SRGAP3: variants seen among roughly 807,000 people sequenced by gnomAD.
SRGAP3 encodes the protein SLIT-ROBO Rho GTPase activating protein 3.
Under a neutral mutation model 121.1 loss-of-function variants are expected in SRGAP3, and 39 were observed. The ratio of observed to expected loss-of-function variants is 0.32; its 90% CI spans 0.25 to 0.42. SRGAP3 has a LOEUF of 0.42. Ranked by LOEUF, SRGAP3 falls within the 10% of genes least tolerant of loss-of-function variation. The pLI is 1.00. For synonymous variants in SRGAP3, 601 were observed against 570.0 expected, an observed-to-expected ratio of 1.05 and a Z score of -0.77; for missense variants, 1,213 against 1,470.6, an observed-to-expected ratio of 0.82 and a Z score of 2.86.
At chr3:9,195,200 T>G (rs1323913475) in intron 1 of SRGAP3, among the ~76,000 whole-genome samples, 2 of 152,254 alleles carry the variant, frequency 1.3e-5, no homozygotes, top group East Asian at 3.8e-4. Flanking sequence ...AGTGCACAGA[T>G]TTTTAAAACT....
intron 2 of SRGAP3, among the ~76,000 whole-genome samples, chr3:9,107,324 G>A (rs1948453241): frequency 6.6e-6 from 1 of 152,220 alleles, no homozygotes; most frequent in Non-Finnish European, 1.5e-5. Flanking sequence ...AAAAGAATTA[G>A]AGAGGAAGGT....
chr3:9,253,521 GA>G (rs1449815399), upstream of SRGAP3, among the ~76,000 whole-genome samples: 10 of 152,154 alleles, frequency 6.6e-5, no homozygotes, highest in African/African-American at 2.4e-4. Context: ...AAAGTGGCCA[GA>G]ATAGTTTTTG....
At chr3:9,002,438 A>C (rs1942825596) in intron 18 of SRGAP3, among the ~76,000 whole-genome samples, 1 of 152,220 alleles carries the variant, frequency 6.6e-6, no homozygotes, top group Non-Finnish European at 1.5e-5. Flanking sequence ...CAGCTAAAGC[A>C]GTGCTTAGAA....
At chr3:9,113,241 G>A (rs560977319) in intron 2 of SRGAP3, among the ~76,000 whole-genome samples, 190 of 152,312 alleles carry the variant, frequency 1.2e-3, no homozygotes, top group African/African-American at 4.0e-3. Context: ...CTGGAAGTCC[G>A]AGATCAAGGT....
intron 21 of SRGAP3, among the ~76,000 whole-genome samples, chr3:8,988,489 T>G (rs1941854415): frequency 6.6e-6 from 1 of 152,164 alleles, no homozygotes; most frequent in Non-Finnish European, 1.5e-5. Context: ...GGGTCTTGGA[T>G]GGCAGCTGTC....
At chr3:9,051,251 T>A (rs147935706) in intron 9 of SRGAP3, among the ~76,000 whole-genome samples, 307 of 152,212 alleles carry the variant, frequency 2.0e-3, no homozygotes, top group African/African-American at 6.8e-3. Context: ...GCTAAAGGGA[T>A]CCTCCTACTC....
chr3:9,027,308 G>C (rs901523030), intron 12 of SRGAP3, among the ~76,000 whole-genome samples: 2 of 152,210 alleles, frequency 1.3e-5, no homozygotes, highest in African/African-American at 4.8e-5. Flanking sequence ...CCTCGGGGGG[G>C]TGCTGGAGTC....
chr3:9,079,387 C>G (rs577907415), intron 4 of SRGAP3, among the ~76,000 whole-genome samples: 1 of 152,166 alleles, frequency 6.6e-6, no homozygotes, highest in Non-Finnish European at 1.5e-5. Flanking sequence ...GCATCATCAC[C>G]TCATGTGTTT....
chr3:9,055,020 G>A (rs891555356), intron 8 of SRGAP3, among the ~76,000 whole-genome samples: 2 of 152,160 alleles, frequency 1.3e-5, no homozygotes, highest in Admixed American at 6.5e-5. Context: ...TTAACATTAT[G>A]ATCCACATAC....
At chr3:9,116,855 G>A (rs1948823349) in intron 2 of SRGAP3, among the ~76,000 whole-genome samples, 1 of 152,210 alleles carries the variant, frequency 6.6e-6, no homozygotes, top group Non-Finnish European at 1.5e-5. Context: ...CGAAAACTCA[G>A]TGTCTTCACC....
In SRGAP3 at chr3:9,249,319, A is replaced by G; in HGVS notation, c.-368T>C. 2.3e-6 allele frequency: 1 copy of G among 432,628 alleles called. No individual in the cohort carries two copies. The highest frequency in any genetic ancestry group is 3.7e-5 in the Admixed American group (1 of 27,130). The allele number at this position is 432,628 out of a possible 1,614,324, so 26.8% of individuals were successfully genotyped here. ...CACACGTACACACACTCACGCATGC[A>G]CAGGCACACTCACCGGGACACGCAC... On this transcript the variant is annotated 5_prime_UTR_variant, in exon 1 of 22. Transcript: ENST00000383836.
intron 3 of SRGAP3, among the ~76,000 whole-genome samples, chr3:9,322,618 G>A (rs371329035): frequency 6.6e-6 from 1 of 151,778 alleles, no homozygotes; most frequent in African/African-American, 2.4e-5. Flanking sequence ...ACATGCAAGG[G>A]ATGTAGGTTG....
chr3:9,290,776 C>A (rs1954856706), intron 3 of SRGAP3, among the ~76,000 whole-genome samples: 1 of 152,182 alleles, frequency 6.6e-6, no homozygotes, highest in South Asian at 2.1e-4. Flanking sequence ...GCACACTAAA[C>A]TCCCAGAGCC....
chr3:9,280,529 G>T (rs535690728), intron 3 of SRGAP3, among the ~76,000 whole-genome samples: 1 of 152,342 alleles, frequency 6.6e-6, no homozygotes, highest in East Asian at 1.9e-4. Flanking sequence ...TAAATAACCA[G>T]CTGCCTCGCC....
intron 3 of SRGAP3, among the ~76,000 whole-genome samples, chr3:9,323,404 A>G (rs187291360): frequency 5.3e-4 from 81 of 152,118 alleles, no homozygotes; most frequent in Non-Finnish European, 1.0e-3. Context: ...TCTTTATCAC[A>G]GGACATATCA....
At chr3:9,286,481 C>T (rs1040545604) in intron 3 of SRGAP3, among the ~76,000 whole-genome samples, 1 of 152,112 alleles carries the variant, frequency 6.6e-6, no homozygotes, top group Non-Finnish European at 1.5e-5. Context: ...GGCAACACAG[C>T]AAGACCCCAT....
intron 2 of SRGAP3, 134 bp downstream of exon 2, chr3:9,124,591 T>C (rs1194410808): frequency 8.7e-6 from 10 of 1,148,872 alleles, no homozygotes; most frequent in Non-Finnish European, 1.3e-5. Context: ...GTAAGTAACC[T>C]GCAGAGCCAG....
At chr3:9,160,590 C>A (rs1334330737) in intron 1 of SRGAP3, among the ~76,000 whole-genome samples, 1 of 152,226 alleles carries the variant, frequency 6.6e-6, no homozygotes, top group Non-Finnish European at 1.5e-5. Flanking sequence ...TCATGGGAAA[C>A]CCTGAGCCAG....
At chr3:9,092,471 G>A (rs1033197639) in intron 3 of SRGAP3, among the ~76,000 whole-genome samples, 1 of 152,090 alleles carries the variant, frequency 6.6e-6, no homozygotes, top group Non-Finnish European at 1.5e-5. Flanking sequence ...AATACCTCAT[G>A]TAAGCCTAAG....
Sources: gnomAD v4.1 joint callset for allele counts (sites outside exome capture counted in the v4.1 genomes callset) on GRCh38, gnomAD v4.1.1 for gene constraint, MANE v1.5 for transcripts, NCBI Gene and HGNC (gene_info 2026-07-23, HGNC 2026-07-21) for gene names.